Variants in RBMS3 observed in about 807,000 individuals in gnomAD.
RBMS3 encodes RNA binding motif single stranded interacting protein 3.
Under a neutral mutation model 66.8 loss-of-function variants are expected in RBMS3, and 27 were observed. The observed-to-expected ratio is 0.40, with a 90% CI of 0.30 to 0.56. The LOEUF is 0.56. RBMS3 is among the 20% of genes least tolerant of loss of function. RBMS3 has a pLI of 0.40. For synonymous variants in RBMS3, 188 were observed against 183.0 expected (o/e 1.03, Z -0.22); for missense variants, 513 against 549.5 (o/e 0.93, Z 0.66).
At chr3:29,633,948 T>C (rs576846767) in intron 4 of RBMS3, among the ~76,000 whole-genome samples, 1 of 152,012 alleles carries the variant, frequency 6.6e-6, no homozygotes, top group South Asian at 2.1e-4. Context: ...TTTAGCAAAA[T>C]AGAGTCAACT....
At chr3:29,329,199 G>A (rs985158857) in intron 1 of RBMS3, among the ~76,000 whole-genome samples, 7 of 152,056 alleles carry the variant, frequency 4.6e-5, no homozygotes, top group African/African-American at 1.7e-4. Flanking sequence ...TTGTGTTGGG[G>A]TGGGGCAGGG....
intron 2 of RBMS3, among the ~76,000 whole-genome samples, chr3:29,464,011 A>G (rs1007734858): frequency 6.6e-6 from 1 of 152,124 alleles, no homozygotes; most frequent in African/African-American, 2.4e-5. Context: ...TGGACCAATG[A>G]AAAATTTTCT....
intron 1 of RBMS3, among the ~76,000 whole-genome samples, chr3:29,359,191 A>G (rs1355120762): frequency 6.6e-6 from 1 of 152,096 alleles, no homozygotes; most frequent in South Asian, 2.1e-4. Flanking sequence ...GTTTGTCATA[A>G]ATAGCTCTTA....
chr3:29,361,300 C>T (rs1416765462), intron 1 of RBMS3, among the ~76,000 whole-genome samples: 9 of 152,112 alleles, frequency 5.9e-5, no homozygotes, highest in African/African-American at 2.2e-4. Flanking sequence ...TTCTCCTTCA[C>T]TTATGAAGCT....
At chr3:29,582,546 G>T (rs1312138993) in intron 3 of RBMS3, among the ~76,000 whole-genome samples, 3 of 152,184 alleles carry the variant, frequency 2.0e-5, no homozygotes, top group Non-Finnish European at 2.9e-5. Context: ...TGGGCTTACA[G>T]CCACTTGGGC....
intron 1 of RBMS3, among the ~76,000 whole-genome samples, chr3:29,335,776 T>TAAA (rs1218174503): frequency 6.6e-6 from 1 of 152,148 alleles, no homozygotes; most frequent in South Asian, 2.1e-4. Context: ...AGAAAGAGAC[T>TAAA]AAAAGATACA....
At chr3:29,321,305 T>C (rs1029768381) in intron 1 of RBMS3, among the ~76,000 whole-genome samples, 11 of 152,074 alleles carry the variant, frequency 7.2e-5, no homozygotes, top group Non-Finnish European at 2.9e-5. Flanking sequence ...TGGTGAAAAA[T>C]AAAATACGAC....
At chr3:29,515,206 G>A (rs1395656123) in intron 3 of RBMS3, among the ~76,000 whole-genome samples, 1 of 152,162 alleles carries the variant, frequency 6.6e-6, no homozygotes. Flanking sequence ...CAAAATGAAT[G>A]TAAGTTTATC....
At chr3:29,518,485 G>A (rs1287773732) in intron 3 of RBMS3, among the ~76,000 whole-genome samples, 1 of 152,106 alleles carries the variant, frequency 6.6e-6, no homozygotes, top group Non-Finnish European at 1.5e-5. Flanking sequence ...AATGTGCATG[G>A]CTATCTCCTG....
At chr3:29,345,920 A>G (rs955787811) in intron 1 of RBMS3, among the ~76,000 whole-genome samples, 20 of 152,194 alleles carry the variant, frequency 1.3e-4, no homozygotes, top group Admixed American at 9.8e-4. Flanking sequence ...TTATATAGAG[A>G]AGGGAAAAGT....
At chr3:29,653,823 A>G (rs2050225921) in intron 4 of RBMS3, among the ~76,000 whole-genome samples, 1 of 152,144 alleles carries the variant, frequency 6.6e-6, no homozygotes, top group African/African-American at 2.4e-5. Context: ...GCCGTGAGTC[A>G]AGTTTCTTGA....
chr3:29,859,616 T>C (rs2059162759), intron 6 of RBMS3, among the ~76,000 whole-genome samples: 1 of 152,252 alleles, frequency 6.6e-6, no homozygotes, highest in African/African-American at 2.4e-5. Context: ...GCATGGGATT[T>C]TATTACAACT....
At chr3:29,815,255 C>T (rs1223517535) in intron 6 of RBMS3, among the ~76,000 whole-genome samples, 1 of 152,176 alleles carries the variant, frequency 6.6e-6, no homozygotes, top group Admixed American at 6.5e-5. Context: ...TTCTTATCTG[C>T]ACTCGAGCTT....
chr3:29,342,089 C>G (rs2036312554), intron 1 of RBMS3, among the ~76,000 whole-genome samples: 1 of 152,080 alleles, frequency 6.6e-6, no homozygotes, highest in African/African-American at 2.4e-5. Context: ...GAATACGATT[C>G]TTGATGTGAT....
chr3:29,376,345 A>T (rs1468874587), intron 1 of RBMS3, among the ~76,000 whole-genome samples: 1 of 152,198 alleles, frequency 6.6e-6, no homozygotes, highest in African/African-American at 2.4e-5. Flanking sequence ...ATATCCCTCA[A>T]CTTAAAAGTT....
intron 7 of RBMS3, among the ~76,000 whole-genome samples, chr3:29,872,147 T>G (rs7625301): frequency 0.082 from 12,470 of 152,144 alleles, 1,637 homozygotes; most frequent in African/African-American, 0.28. Flanking sequence ...TTTATTTCCT[T>G]AAGTAGCTGT....
chr3:29,489,407 C>T (rs1289793931), intron 3 of RBMS3, among the ~76,000 whole-genome samples: 6 of 151,916 alleles, frequency 3.9e-5, no homozygotes, highest in Non-Finnish European at 7.4e-5. Context: ...CTTCTATAAA[C>T]TCAGAAATGA....
chr3:29,735,147 G>A (rs1346884173), intron 4 of RBMS3, among the ~76,000 whole-genome samples: 1 of 152,090 alleles, frequency 6.6e-6, no homozygotes, highest in Non-Finnish European at 1.5e-5. Context: ...AGATAGGGCA[G>A]TGTTTTCTTG....
chr3:29,836,856 A>T (rs2058522447), intron 6 of RBMS3, among the ~76,000 whole-genome samples: 1 of 151,808 alleles, frequency 6.6e-6, no homozygotes, highest in South Asian at 2.1e-4. Context: ...CTTGTTAATT[A>T]TGCCTCAGTA....
Sources: gnomAD v4.1 joint callset for allele counts (sites outside exome capture counted in the v4.1 genomes callset) on GRCh38, gnomAD v4.1.1 for gene constraint, MANE v1.5 for transcripts, NCBI Gene and HGNC (gene_info 2026-07-23, HGNC 2026-07-21) for gene names.